Variants in TAFA2 observed in about 807,000 individuals in gnomAD.
TAFA2 encodes the protein TAFA chemokine like family member 2, also known as chemokine-like protein TAFA-2.
Under a neutral mutation model 18.8 loss-of-function variants are expected in TAFA2, and 7 were observed. That is an observed-to-expected ratio of 0.37 (90% CI 0.21 to 0.70). TAFA2 has a LOEUF of 0.70. TAFA2 is among the 30% of genes least tolerant of loss of function. The pLI is 0.53. For synonymous variants in TAFA2, 60 were observed against 54.2 expected, an observed-to-expected ratio of 1.11 and a Z score of -0.47; for missense variants, 122 against 158.1, an observed-to-expected ratio of 0.77 and a Z score of 1.23.
chr12:61,754,720 A>T, intron 3 of TAFA2, 152 bp downstream of exon 3: 1 of 719,392 alleles, frequency 1.4e-6, no homozygotes, highest in South Asian at 3.5e-5. Context: ...TTAGATTTCA[A>T]AATGCCACCC....
intron 2 of TAFA2, among the ~76,000 whole-genome samples, chr12:61,850,304 A>T (rs554656322): frequency 1.3e-5 from 2 of 151,760 alleles, no homozygotes; most frequent in Admixed American, 6.6e-5. Flanking sequence ...TAATTCAATA[A>T]TTTTTTTTAC....
chr12:61,763,423 A>G (rs1262382777), intron 2 of TAFA2, among the ~76,000 whole-genome samples: 1 of 152,008 alleles, frequency 6.6e-6, no homozygotes, highest in Non-Finnish European at 1.5e-5. Flanking sequence ...AGGGAGATTC[A>G]CTCATGGGAT....
At chr12:61,936,211 A>G (rs1877759701) in intron 1 of TAFA2, among the ~76,000 whole-genome samples, 1 of 152,212 alleles carries the variant, frequency 6.6e-6, no homozygotes, top group African/African-American at 2.4e-5. Context: ...TCACATAAAC[A>G]GAATTAAAAA....
intron 4 of TAFA2, among the ~76,000 whole-genome samples, chr12:61,747,074 T>C (rs1239931082): frequency 3.3e-5 from 5 of 152,008 alleles, no homozygotes; most frequent in Non-Finnish European, 7.4e-5. Flanking sequence ...AACAGACACT[T>C]CTCAAAAGAA....
intron 1 of TAFA2, among the ~76,000 whole-genome samples, chr12:62,048,561 CTGATTA>C (rs1881969264): frequency 6.6e-6 from 1 of 152,056 alleles, no homozygotes; most frequent in Non-Finnish European, 1.5e-5. Flanking sequence ...CATTTTTTTC[CTGATTA>C]TATTTCCCCA....
intron 1 of TAFA2, among the ~76,000 whole-genome samples, chr12:62,130,401 C>T (rs1044670167): frequency 6.6e-6 from 1 of 151,818 alleles, no homozygotes; most frequent in Admixed American, 6.6e-5. Context: ...AATTGAAATA[C>T]ACAATTCAAG....
chr12:61,885,784 A>G (rs1343797652), intron 1 of TAFA2, among the ~76,000 whole-genome samples: 1 of 152,220 alleles, frequency 6.6e-6, no homozygotes, highest in Non-Finnish European at 1.5e-5. Context: ...TCCTCCATTC[A>G]CGCCAGTGAC....
intron 1 of TAFA2, among the ~76,000 whole-genome samples, chr12:62,150,131 T>C (rs1185776306): frequency 6.6e-6 from 1 of 152,202 alleles, no homozygotes; most frequent in Non-Finnish European, 1.5e-5. Context: ...CCAGTTCTTT[T>C]CTAATTCAGC....
chr12:61,790,779 C>T (rs1206083449), intron 2 of TAFA2, among the ~76,000 whole-genome samples: 1 of 151,630 alleles, frequency 6.6e-6, no homozygotes, highest in African/African-American at 2.4e-5. Flanking sequence ...TTCTAAAATG[C>T]TCATACTACC....
chr12:62,192,807 G>C (rs951469772), upstream of TAFA2: 2 of 152,192 alleles, frequency 1.3e-5, no homozygotes, highest in African/African-American at 4.8e-5. Flanking sequence ...GAAAAAGAAC[G>C]AGACAGTAAA....
intron 1 of TAFA2, among the ~76,000 whole-genome samples, chr12:62,073,106 A>G (rs1882674649): frequency 6.6e-6 from 1 of 152,254 alleles, no homozygotes; most frequent in Admixed American, 6.5e-5. Context: ...AGGAAGTGCC[A>G]TATCCAGTTT....
chr12:61,905,941 A>T (rs1876329564), intron 1 of TAFA2, among the ~76,000 whole-genome samples: 1 of 152,202 alleles, frequency 6.6e-6, no homozygotes, highest in South Asian at 2.1e-4. Context: ...GTATACATGG[A>T]GAAAGCCTGA....
intron 1 of TAFA2, among the ~76,000 whole-genome samples, chr12:62,172,420 C>T (rs971323800): frequency 2.0e-5 from 3 of 152,132 alleles, no homozygotes; most frequent in Non-Finnish European, 4.4e-5. Flanking sequence ...CAAAAGAGGG[C>T]CCCAAAAGCT....
intron 1 of TAFA2, among the ~76,000 whole-genome samples, chr12:62,117,249 A>G (rs1021266398): frequency 1.3e-5 from 2 of 152,216 alleles, no homozygotes; most frequent in African/African-American, 4.8e-5. Flanking sequence ...TGCTTTTGTA[A>G]GCTGAAATTC....
At chr12:62,182,779 T>C (rs2062560568) in intron 1 of TAFA2, among the ~76,000 whole-genome samples, 1 of 152,226 alleles carries the variant, frequency 6.6e-6, no homozygotes, top group African/African-American at 2.4e-5. Context: ...ACCTCAAATA[T>C]ATTCTATAAT....
intron 1 of TAFA2, among the ~76,000 whole-genome samples, chr12:61,932,084 CCTCCAAATTACTAAAATAATGTATAT>C (rs974114481): frequency 3.3e-5 from 5 of 152,080 alleles, no homozygotes; most frequent in Admixed American, 1.3e-4. Context: ...TTAATTTCCT[CCTCCAAATTACTAAAATAATGTATAT>C]TACTAGTATT....
intron 1 of TAFA2, among the ~76,000 whole-genome samples, chr12:62,004,349 G>A (rs1433426377): frequency 1.3e-5 from 2 of 152,118 alleles, no homozygotes; most frequent in African/African-American, 2.4e-5. Flanking sequence ...TGGATCACCA[G>A]CACTGCTCTG....
At chr12:62,186,878 A>C (rs1417200398) in intron 1 of TAFA2, among the ~76,000 whole-genome samples, 1 of 152,172 alleles carries the variant, frequency 6.6e-6, no homozygotes, top group Non-Finnish European at 1.5e-5. Flanking sequence ...TTCCAATGGC[A>C]ATACCAATCA....
At chr12:61,863,397 A>G (rs1271534822) in intron 2 of TAFA2, among the ~76,000 whole-genome samples, 1 of 152,228 alleles carries the variant, frequency 6.6e-6, no homozygotes, top group African/African-American at 2.4e-5. Context: ...GTATAAGTAC[A>G]GCAGCAAGAG....
Sources: gnomAD v4.1 joint callset for allele counts (sites outside exome capture counted in the v4.1 genomes callset) on GRCh38, gnomAD v4.1.1 for gene constraint, MANE v1.5 for transcripts, NCBI Gene and HGNC (gene_info 2026-07-23, HGNC 2026-07-21) for gene names.